CLIC6: variants seen among roughly 807,000 people sequenced by gnomAD.
CLIC6 encodes the protein CLIC family member 6, also known as chloride intracellular channel protein 6.
In CLIC6, 39 loss-of-function variants were observed where a neutral mutation model predicts 49.2. The observed-to-expected ratio is 0.79, with a 90% CI of 0.61 to 1.04. The LOEUF (loss-of-function observed/expected upper bound fraction) is 1.04, where lower values mean the gene tolerates loss of function less well. Ranked by LOEUF, CLIC6 falls within the 50% of genes least tolerant of loss-of-function variation. The pLI is 0.00. For missense variants in CLIC6, 988 were observed against 993.1 expected (o/e 0.99, Z 0.07); for synonymous variants, 446 against 433.4 (o/e 1.03, Z -0.36).
In CLIC6 at chr21:34,669,587, A is replaced by T; in HGVS notation, c.199A>T (p.Arg67Trp). Residue 67 changes from arginine (R) to tryptophan (W), a missense_variant, in exon 1 of 6, where the codon AGG becomes TGG. Arg to Trp is a moderately radical substitution (Grantham distance 101). Coordinates refer to ENST00000349499, the MANE Select transcript of CLIC6 (RefSeq NM_053277.3). ...VKEAGGGGPD[R>W]GPEAEARGTR... ...GGAGGCAGGAGGCGGCGGGCCAGAC[A>T]GGGGCCCGGAGGCCGAGGCGCGGGG... 2 of 1,265,690 alleles carry T rather than the reference A, an allele frequency of 1.6e-6. No homozygotes were observed. The highest frequency in any genetic ancestry group is 2.0e-6 in the Non-Finnish European group (2 of 1,009,040). The allele number at this position is 1,265,690 out of a possible 1,614,324, so 78.4% of individuals were successfully genotyped here.
chr21:34,679,213 G>C lies in CLIC6; in HGVS notation c.1374+8451G>C, dbSNP rs143605781. Reference sequence around the variant, plus strand: ...CAGGAAACTCACAATCACGGCAGAAGGGGAAGCAAACACATCCTTCTTTGC... The same window carrying C: ...CAGGAAACTCACAATCACGGCAGAACGGGAAGCAAACACATCCTTCTTTGC... On this transcript the variant is annotated intron_variant, in intron 1 of 5. Transcript: ENST00000349499. 2.2e-3 allele frequency among the ~76,000 whole-genome samples: 330 copies of C among 152,296 alleles called. 2 individuals carry two copies. In the South Asian group the frequency reaches 0.032, roughly 15 times the overall value.
rs1989509099 is a variant in CLIC6, at chr21:34,670,022, G to C, written c.634G>C (p.Ala212Pro). Residue 212 changes from alanine to proline, a missense_variant, in exon 1 of 6, where the codon GCC becomes CCC. Around this residue, in one of 3 missense-constraint regions of CLIC6, gnomAD observed 57 missense variants for 117.6 expected, o/e 0.48. Transcript: ENST00000349499. ...GGGCCCGCTGGGGGACAACATACAA[G>C]CCGAGGGCCCGGCGGGGGACAGCGT... The part of the protein sequence containing the change: ...AEGPLGDNIQ[A>P]EGPAGDSVDA... 7.2e-7 allele frequency: 1 copy of C among 1,385,204 alleles called. No homozygotes were observed. Among genetic ancestry groups the C allele is most frequent in the Non-Finnish European group, 9.3e-7 (1 of 1,078,690 alleles). 85.8% of individuals were successfully genotyped at this position (1,385,204 alleles called of 1,614,324 possible).
At chr21:34,681,164 G>A (rs548138818) in intron 1 of CLIC6, among the ~76,000 whole-genome samples, 7 of 152,330 alleles carry the variant, frequency 4.6e-5, no homozygotes, top group South Asian at 2.1e-4. Context: ...ACTTGCAATC[G>A]TGGCAGAAGG....
At chr21:34,682,417 A>G (rs948849015) in intron 1 of CLIC6, among the ~76,000 whole-genome samples, 12 of 152,158 alleles carry the variant, frequency 7.9e-5, no homozygotes, top group Non-Finnish European at 1.5e-4. Context: ...ATACTTTTAT[A>G]TATTTAAAAA....
intron 1 of CLIC6, among the ~76,000 whole-genome samples, chr21:34,680,246 C>G (rs1320819434): frequency 6.6e-6 from 1 of 152,258 alleles, no homozygotes; most frequent in Non-Finnish European, 1.5e-5. Flanking sequence ...GGGCTTGCAC[C>G]CTCTGAAGCA....
chr21:34,703,815 G>A (rs1264669579), intron 1 of CLIC6, among the ~76,000 whole-genome samples: 2 of 152,128 alleles, frequency 1.3e-5, no homozygotes, highest in Admixed American at 6.5e-5. Context: ...CTGGTATCCC[G>A]AGAGCTTTTC....
intron 1 of CLIC6, among the ~76,000 whole-genome samples, chr21:34,697,934 G>T (rs1360631613): frequency 6.6e-6 from 1 of 152,220 alleles, no homozygotes; most frequent in Admixed American, 6.5e-5. Flanking sequence ...CTTTATAGGA[G>T]CTCACTGTGA....
At chr21:34,676,343 T>C (rs1402262230) in intron 1 of CLIC6, among the ~76,000 whole-genome samples, 1 of 152,210 alleles carries the variant, frequency 6.6e-6, no homozygotes, top group Non-Finnish European at 1.5e-5. Context: ...TCAATACATA[T>C]GGATATATTA....
At chr21:34,704,494 A>G (rs1026154709) in intron 1 of CLIC6, among the ~76,000 whole-genome samples, 8 of 152,230 alleles carry the variant, frequency 5.3e-5, no homozygotes, top group African/African-American at 1.7e-4. Flanking sequence ...TAAATGCCTA[A>G]CAGCCTTTGG....
chr21:34,698,555 G>A (rs1249678945), intron 1 of CLIC6, among the ~76,000 whole-genome samples: 1 of 152,132 alleles, frequency 6.6e-6, no homozygotes, highest in African/African-American at 2.4e-5. Flanking sequence ...ACGGAAGGGA[G>A]GATGGAAGGA....
At chr21:34,710,475 C>G (rs1021782045) in intron 5 of CLIC6, among the ~76,000 whole-genome samples, 1 of 152,096 alleles carries the variant, frequency 6.6e-6, no homozygotes, top group Admixed American at 6.5e-5. Flanking sequence ...CCGTGGTTCT[C>G]CAATGTTAGT....
intron 5 of CLIC6, among the ~76,000 whole-genome samples, chr21:34,716,058 G>A (rs944196833): frequency 2.0e-5 from 3 of 152,296 alleles, no homozygotes; most frequent in Middle Eastern, 3.4e-3. Flanking sequence ...TCGTGCCAGC[G>A]GATTCCAAGA....
Position 34,670,487 on chromosome 21 carries a change from C to G in CLIC6, c.1099C>G (p.Pro367Ala), listed in dbSNP as rs1178510319. The change falls in exon 1 of 6, where the codon CCG becomes GCG. Residue 367 changes from proline (P) to alanine (A), a missense_variant. This residue lies in a region of CLIC6 where 647 missense variants were observed against 596.9 expected (regional missense o/e 1.08). Coordinates refer to ENST00000349499, the MANE Select transcript of CLIC6 (RefSeq NM_053277.3). ...DRVGDGPQQEPGEDEERRERS... is the reference protein window; with the variant it reads ...DRVGDGPQQEAGEDEERRERS... ...GGTAGGGGATGGGCCACAGCAGGAGCCGGGGGAGGACGAAGAGAGACGAGA... is the reference window on the plus strand; with the variant it reads ...GGTAGGGGATGGGCCACAGCAGGAGGCGGGGGAGGACGAAGAGAGACGAGA... 1.3e-6 allele frequency: 2 copies of G among 1,493,024 alleles called. No individual in the cohort carries two copies. The highest frequency in any genetic ancestry group is 2.8e-5 in the African/African-American group (2 of 70,324). 92.5% of individuals were successfully genotyped at this position (1,493,024 alleles called of 1,614,324 possible). A position where few individuals can be genotyped will look rare whatever the true frequency, so the allele number is the denominator to read the frequency against.
In CLIC6 at chr21:34,670,571, G is replaced by A. The variant is rs955086173; in HGVS notation, c.1183G>A (p.Asp395Asn). The stretch of plus-strand genomic sequence containing the variant: ...AGCGGGGGGCGAAGAGGAATCCCCC[G>A]ACAGCAGCCCACATGGGGAGGCCTC... ...EAAGGEEESP[D>N]SSPHGEASRG... Residue 395 changes from aspartate to asparagine, a missense_variant, in exon 1 of 6, where the codon GAC becomes AAC. Physicochemically the swap from Asp to Asn is conservative, Grantham distance 23 (BLOSUM62 1). Coordinates refer to ENST00000349499, the MANE Select transcript of CLIC6 (RefSeq NM_053277.3). 2 of 1,512,826 alleles carry A rather than the reference G, an allele frequency of 1.3e-6. No individual in the cohort carries two copies. Among genetic ancestry groups the A allele is most frequent in the African/African-American group, 1.4e-5 (1 of 71,388 alleles). The allele number at this position is 1,512,826 out of a possible 1,614,324, so 93.7% of individuals were successfully genotyped here. A position where few individuals can be genotyped will look rare whatever the true frequency, so the allele number is the denominator to read the frequency against.
intron 1 of CLIC6, among the ~76,000 whole-genome samples, chr21:34,674,775 C>T (rs1053801372): frequency 4.6e-5 from 7 of 152,154 alleles, no homozygotes; most frequent in Admixed American, 2.0e-4. Context: ...TTTCTTTCCT[C>T]ATAATAACAA....
chr21:34,697,922 G>A (rs1990115863), intron 1 of CLIC6, among the ~76,000 whole-genome samples: 1 of 152,182 alleles, frequency 6.6e-6, no homozygotes, highest in South Asian at 2.1e-4. Context: ...GGGTTTTGCT[G>A]TCTTTATAGG....
At position 34,670,161 on chromosome 21, in the gene CLIC6, ACGGCGT is replaced by A. The variant is rs1989519524; in HGVS notation, c.774_779del (p.Asp258_Val260delinsGlu). On this transcript the variant is annotated inframe_deletion, in exon 1 of 6. Coordinates refer to ENST00000349499, the MANE Select transcript of CLIC6 (RefSeq NM_053277.3). ...GTAGAGGCGGGGGACCCGGCGGGGG[ACGGCGT>A]AGAAGCGGGGGTCCCGGCGGGGGAC... 1 of 1,370,232 alleles carries A rather than the reference ACGGCGT, an allele frequency of 7.3e-7. No homozygotes were observed. Among genetic ancestry groups the A allele is most frequent in the Non-Finnish European group, 9.4e-7 (1 of 1,068,554 alleles). 84.9% of individuals were successfully genotyped at this position (1,370,232 alleles called of 1,614,324 possible).
rs1278467734 is a variant in CLIC6, at chr21:34,669,334, G to C, written c.-55G>C. 8.2e-7 allele frequency: 1 copy of C among 1,220,062 alleles called. No individual in the cohort carries two copies. The highest frequency in any genetic ancestry group is 1.6e-5 in the African/African-American group (1 of 64,280). 75.6% of individuals were successfully genotyped at this position (1,220,062 alleles called of 1,614,324 possible). A position where few individuals can be genotyped will look rare whatever the true frequency, so the allele number is the denominator to read the frequency against. ...AGCACGCCCCTTGCCCAGCGCCACC[G>C]ACCCTTAAGCAGCGTCAAGGAAGGA... On this transcript the variant is annotated 5_prime_UTR_variant, in exon 1 of 6. Transcript: ENST00000349499.
In CLIC6 at chr21:34,669,346, G is replaced by A; in HGVS notation, c.-43G>A. 1 of 1,229,558 alleles carries A rather than the reference G, an allele frequency of 8.1e-7. No individual in the cohort carries two copies. The highest frequency in any genetic ancestry group is 3.1e-5 in the East Asian group (1 of 31,766). The allele number at this position is 1,229,558 out of a possible 1,614,324, so 76.2% of individuals were successfully genotyped here. A position where few individuals can be genotyped will look rare whatever the true frequency, so the allele number is the denominator to read the frequency against. Reference sequence around the variant, plus strand: ...GCCCAGCGCCACCGACCCTTAAGCAGCGTCAAGGAAGGAGTCCCGATCAAG... The same window carrying A: ...GCCCAGCGCCACCGACCCTTAAGCAACGTCAAGGAAGGAGTCCCGATCAAG... On this transcript the variant is annotated 5_prime_UTR_variant, in exon 1 of 6. Transcript: ENST00000349499.
Sources: allele counts gnomAD v4.1 joint callset (sites outside exome capture counted in the v4.1 genomes callset), GRCh38; gene constraint gnomAD v4.1.1; regional missense constraint gnomAD v4.1.1; transcripts MANE v1.5; gene names NCBI Gene and HGNC (gene_info 2026-07-23, HGNC 2026-07-21).